Variants in L2HGDH observed in about 807,000 individuals in gnomAD.
L2HGDH encodes L-2-hydroxyglutarate dehydrogenase, mitochondrial.
In L2HGDH, 34 loss-of-function variants were observed where a neutral mutation model predicts 51.5. That is an observed-to-expected ratio of 0.66 (90% CI 0.50 to 0.88). L2HGDH has a LOEUF of 0.88. Among genes scored for constraint, L2HGDH ranks in the 40% least tolerant of loss-of-function variants. L2HGDH has a pLI of 0.00. For missense variants in L2HGDH, 558 were observed against 571.9 expected (o/e 0.98, Z 0.25); for synonymous variants, 198 against 197.9 (o/e 1.00, Z -0.01).
intron 2 of L2HGDH, 25 bp from the exon 3 acceptor site, chr14:50,302,193 A>T (rs199720857): frequency 6.2e-7 from 1 of 1,612,068 alleles, no homozygotes; most frequent in African/African-American, 1.3e-5. Flanking sequence ...AAACAGGGTA[A>T]GAGTAAGTAC....
chr14:50,259,863 A>G (rs943540186), intron 9 of L2HGDH, among the ~76,000 whole-genome samples: 2 of 150,332 alleles, frequency 1.3e-5, no homozygotes, highest in Non-Finnish European at 3.0e-5. Context: ...TTATAAACCA[A>G]TAATTGCTTA....
chr14:50,296,493 G>A (rs1384460976), intron 3 of L2HGDH, among the ~76,000 whole-genome samples: 1 of 141,692 alleles, frequency 7.1e-6, no homozygotes, highest in Admixed American at 7.2e-5. Flanking sequence ...AGAAAATCTA[G>A]ATGAACAAAT....
chr14:50,293,454 T>C (rs2029874342), intron 4 of L2HGDH, among the ~76,000 whole-genome samples: 1 of 152,210 alleles, frequency 6.6e-6, no homozygotes, highest in South Asian at 2.1e-4. Flanking sequence ...TTTTTCTATT[T>C]TATTTTATTT....
chr14:50,291,725 G>A (rs1044266773), intron 4 of L2HGDH, among the ~76,000 whole-genome samples: 1 of 151,924 alleles, frequency 6.6e-6, no homozygotes, highest in Non-Finnish European at 1.5e-5. Flanking sequence ...ATTTTTCCTG[G>A]ACTTGAAAAA....
chr14:50,290,812 C>A (rs376837796), intron 4 of L2HGDH, among the ~76,000 whole-genome samples: 1 of 151,992 alleles, frequency 6.6e-6, no homozygotes, highest in East Asian at 1.9e-4. Flanking sequence ...TACAGGCACA[C>A]GCCACCACGC....
At position 50,245,803 on chromosome 14, in the gene L2HGDH, T is replaced by C. The variant is rs1487609684; in HGVS notation, c.*1255A>G. ...AGCCAAATCTTCTCTAGGTCATGGT[T>C]GGTAAGGACAGGTCATTAACAAAGT... On this transcript the variant is annotated 3_prime_UTR_variant, in exon 10 of 10. Transcript: ENST00000267436. 1 of 985,440 alleles carries C rather than the reference T, an allele frequency of 1.0e-6. No individual in the cohort carries two copies. The highest frequency in any genetic ancestry group is 1.2e-6 in the Non-Finnish European group (1 of 829,930). The allele number at this position is 985,440 out of a possible 1,614,324, so 61.0% of individuals were successfully genotyped here. A position where few individuals can be genotyped will look rare whatever the true frequency, so the allele number is the denominator to read the frequency against.
intron 5 of L2HGDH, 60 bp downstream of exon 5, chr14:50,283,811 G>A (rs1890409199): frequency 6.7e-7 from 1 of 1,488,574 alleles, no homozygotes; most frequent in Non-Finnish European, 9.3e-7. Context: ...AACCACAGAT[G>A]CAAAACCCAT....
At position 50,273,003 on chromosome 14, in the gene L2HGDH, T is replaced by C. The variant is rs552837723; in HGVS notation, c.739-3673A>G. 2.6e-5 allele frequency among the ~76,000 whole-genome samples: 4 copies of C among 152,106 alleles called. No individual in the cohort carries two copies. In the East Asian group the frequency reaches 7.7e-4, roughly 29 times the overall value. On this transcript the variant is annotated intron_variant, in intron 6 of 9. Coordinates refer to ENST00000267436, the MANE Select transcript of L2HGDH (RefSeq NM_024884.3). ...CCCTGAAGGACTGTGGTGCAGAAAA[T>C]ATTCTCAGTGGGCAGACCTCTGAAC...
intron 4 of L2HGDH, among the ~76,000 whole-genome samples, chr14:50,293,540 T>C (rs1436364313): frequency 3.3e-5 from 5 of 151,938 alleles, no homozygotes; most frequent in Non-Finnish European, 5.9e-5. Context: ...AAAACAAACA[T>C]ATGCATAAAT....
intron 4 of L2HGDH, chr14:50,293,362 A>C (rs1324903840): frequency 3.0e-6 from 2 of 672,552 alleles, no homozygotes; most frequent in African/African-American, 3.6e-5. Flanking sequence ...TGTAGATCTA[A>C]ATGTGAAATG....
chr14:50,245,481 GTTTGT>G lies in L2HGDH; in HGVS notation c.*1572_*1576del, dbSNP rs944062867. ...AGACTGGAAATAATAAAGGCTTTGAGTTTGTTTTGTTATTTCCTACAAATATTATA... is the reference window on the plus strand; with the variant it reads ...AGACTGGAAATAATAAAGGCTTTGAGTTTGTTATTTCCTACAAATATTATA... On this transcript the variant is annotated 3_prime_UTR_variant, in exon 10 of 10. Transcript: ENST00000267436. 3.0e-5 allele frequency: 29 copies of G among 982,316 alleles called. No homozygotes were observed. The highest frequency in any genetic ancestry group is 1.2e-4 in the Admixed American group (2 of 16,256). The allele number at this position is 982,316 out of a possible 1,614,324, so 60.8% of individuals were successfully genotyped here. A position where few individuals can be genotyped will look rare whatever the true frequency, so the allele number is the denominator to read the frequency against.
At chr14:50,254,835 T>C (rs1195868386) in intron 9 of L2HGDH, among the ~76,000 whole-genome samples, 2 of 151,860 alleles carry the variant, frequency 1.3e-5, no homozygotes, top group African/African-American at 2.4e-5. Flanking sequence ...ACACAGGAGT[T>C]TGAGACCAGC....
At chr14:50,296,584 T>G (rs1404347344) in intron 3 of L2HGDH, among the ~76,000 whole-genome samples, 1 of 142,346 alleles carries the variant, frequency 7.0e-6, no homozygotes, top group East Asian at 2.0e-4. Flanking sequence ...GATTGAAAAC[T>G]TCCCACATTA....
chr14:50,262,972 A>C (rs1595080145), intron 9 of L2HGDH, among the ~76,000 whole-genome samples: 1 of 152,204 alleles, frequency 6.6e-6, no homozygotes, highest in East Asian at 1.9e-4. Context: ...TGCCAATGAA[A>C]TTGGTAACAG....
chr14:50,256,187 C>T (rs2139944840), intron 9 of L2HGDH, among the ~76,000 whole-genome samples: 1 of 152,134 alleles, frequency 6.6e-6, no homozygotes, highest in African/African-American at 2.4e-5. Flanking sequence ...ATGAGACAAT[C>T]TAGTATTTTA....
intron 6 of L2HGDH, 103 bp from the exon 7 acceptor site, chr14:50,269,433 T>G: frequency 8.7e-7 from 1 of 1,150,700 alleles, no homozygotes; most frequent in South Asian, 1.3e-5. Context: ...AGAAATAGAA[T>G]TTTTTCTAAA....
At chr14:50,309,158 G>A (rs1043080882) in intron 1 of L2HGDH, among the ~76,000 whole-genome samples, 2 of 152,138 alleles carry the variant, frequency 1.3e-5, no homozygotes, top group Admixed American at 1.3e-4. Context: ...TCATTTTGAT[G>A]AAGTCCATTT....
intron 3 of L2HGDH, among the ~76,000 whole-genome samples, chr14:50,297,389 C>CA (rs148803952): frequency 0.037 from 5,279 of 142,384 alleles, 295 homozygotes; most frequent in African/African-American, 0.12. Context: ...CACACACATA[C>CA]ACACACAATT....
At chr14:50,293,319 T>C in intron 4 of L2HGDH, 1 of 698,518 alleles carries the variant, frequency 1.4e-6, no homozygotes, top group Non-Finnish European at 2.6e-6. Context: ...ACCCCTAACT[T>C]ATACCATATA....
Sources: allele counts gnomAD v4.1 joint callset (sites outside exome capture counted in the v4.1 genomes callset), GRCh38; gene constraint gnomAD v4.1.1; transcripts MANE v1.5; gene names NCBI Gene and HGNC (gene_info 2026-07-23, HGNC 2026-07-21).